Variants in LRRC37A2 observed in about 807,000 individuals in gnomAD.
LRRC37A2 encodes the protein leucine-rich repeat-containing protein 37A2.
Under a neutral mutation model 68.8 loss-of-function variants are expected in LRRC37A2, and 9 were observed. The ratio of observed to expected loss-of-function variants is 0.13; its 90% CI spans 0.08 to 0.23. The LOEUF is 0.23. Ranked by LOEUF, LRRC37A2 falls within the 10% of genes least tolerant of loss-of-function variation. The pLI is 1.00. For synonymous variants in LRRC37A2, 63 were observed against 367.6 expected (o/e 0.17, Z 9.48); for missense variants, 168 against 950.4 (o/e 0.18, Z 10.82).
intron 6 of LRRC37A2, among the ~76,000 whole-genome samples, chr17:46,534,278 G>A (rs983472946): frequency 7.7e-5 from 11 of 142,280 alleles, no homozygotes; most frequent in African/African-American, 3.1e-4. Context: ...GACAATAGTG[G>A]AGGGAAGGTC....
chr17:46,890,962 T>A, the LRRC37A2 span, among the ~76,000 whole-genome samples: 4 of 152,178 alleles, frequency 2.6e-5, no homozygotes, highest in Non-Finnish European at 5.9e-5. Context: ...TAGGTGCACC[T>A]ATCACCACTT....
At chr17:46,756,908 T>C in the LRRC37A2 span, 9 of 152,734 alleles carry the variant, frequency 5.9e-5, no homozygotes, top group Non-Finnish European at 8.8e-5. Flanking sequence ...TTGAGTCCTT[T>C]TGAGGGTGAT....
At chr17:46,753,871 A>G in the LRRC37A2 span, among the ~76,000 whole-genome samples, 1 of 152,212 alleles carries the variant, frequency 6.6e-6, no homozygotes, top group Non-Finnish European at 1.5e-5. Context: ...GGCTGAACCT[A>G]AGTGAAGAGG....
chr17:46,837,978 G>A, the LRRC37A2 span, among the ~76,000 whole-genome samples: 8 of 152,144 alleles, frequency 5.3e-5, no homozygotes, highest in Admixed American at 4.6e-4. Context: ...TTTTCCACGT[G>A]TACATCACCG....
the LRRC37A2 span, among the ~76,000 whole-genome samples, chr17:46,894,351 AG>A: frequency 6.6e-6 from 1 of 152,166 alleles, no homozygotes; most frequent in African/African-American, 2.4e-5. Context: ...TGTAATAACA[AG>A]GGGGGTCAGC....
At chr17:46,958,364 A>T in the LRRC37A2 span, among the ~76,000 whole-genome samples, 17 of 152,382 alleles carry the variant, frequency 1.1e-4, no homozygotes, top group East Asian at 3.3e-3. Flanking sequence ...CACTCCTGAC[A>T]GTTGCAACAG....
the LRRC37A2 span, chr17:47,028,263 G>A: frequency 2.9e-6 from 4 of 1,377,526 alleles, no homozygotes; most frequent in East Asian, 9.1e-5. Flanking sequence ...TTTGGCTTGT[G>A]TCTTTTTTTT....
chr17:46,676,534 C>T, the LRRC37A2 span, among the ~76,000 whole-genome samples: 4 of 146,832 alleles, frequency 2.7e-5, 1 homozygote, highest in East Asian at 8.4e-4. Context: ...GCCCGGCCTC[C>T]CATGGGAATT....
the LRRC37A2 span, chr17:46,876,518 C>T: frequency 5.1e-5 from 82 of 1,613,508 alleles, no homozygotes; most frequent in Non-Finnish European, 6.2e-5. Context: ...CAGCTTCTGC[C>T]GGCCCAGCAA....
the LRRC37A2 span, among the ~76,000 whole-genome samples, chr17:46,805,788 AT>A: frequency 6.6e-6 from 1 of 152,156 alleles, no homozygotes. Context: ...TGATATTCAC[AT>A]CCCCAGGAAG....
chr17:46,778,080 A>G, the LRRC37A2 span, among the ~76,000 whole-genome samples: 39 of 152,334 alleles, frequency 2.6e-4, no homozygotes, highest in African/African-American at 9.4e-4. Context: ...AGTGCATGGC[A>G]CGTGGGGAGC....
At chr17:46,979,055 G>C in the LRRC37A2 span, 1 of 1,335,304 alleles carries the variant, frequency 7.5e-7, no homozygotes, top group African/African-American at 1.5e-5. Flanking sequence ...GGTGCACTGG[G>C]CTGCTCGCCG....
chr17:46,835,026 G>A, the LRRC37A2 span, among the ~76,000 whole-genome samples: 2 of 151,918 alleles, frequency 1.3e-5, no homozygotes, highest in South Asian at 2.1e-4. Context: ...ACAGGATCTC[G>A]CTCTGTTGTC....
chr17:46,789,993 C>T, the LRRC37A2 span, among the ~76,000 whole-genome samples: 4 of 152,152 alleles, frequency 2.6e-5, no homozygotes, highest in African/African-American at 9.7e-5. Flanking sequence ...TGAAGACAGC[C>T]CTGCCCAGCA....
At chr17:46,930,045 T>TTC in the LRRC37A2 span, 3 of 152,940 alleles carry the variant, frequency 2.0e-5, no homozygotes, top group African/African-American at 7.3e-5. Flanking sequence ...TTGTTTTTTT[T>TTC]CATTTTTTTT....
the LRRC37A2 span, among the ~76,000 whole-genome samples, chr17:46,752,782 C>A: frequency 6.6e-6 from 1 of 150,604 alleles, no homozygotes; most frequent in African/African-American, 2.4e-5. Flanking sequence ...CTTTTTTTTT[C>A]TTTTGAGACG....
At chr17:46,887,056 A>G in the LRRC37A2 span, among the ~76,000 whole-genome samples, 12 of 152,180 alleles carry the variant, frequency 7.9e-5, no homozygotes, top group African/African-American at 2.9e-4. Flanking sequence ...GGCTCAAGCA[A>G]TCCACCTGCC....
At chr17:46,823,179 T>TA in the LRRC37A2 span, among the ~76,000 whole-genome samples, 1 of 129,858 alleles carries the variant, frequency 7.7e-6, no homozygotes, top group African/African-American at 3.1e-5. Flanking sequence ...TATATTTATA[T>TA]ATAATATATT....
the LRRC37A2 span, among the ~76,000 whole-genome samples, chr17:46,908,465 C>T: frequency 2.6e-5 from 4 of 152,068 alleles, no homozygotes; most frequent in Non-Finnish European, 5.9e-5. Context: ...CTCCGAGAAC[C>T]GGCATCGGTC....
Sources: allele counts gnomAD v4.1 joint callset (sites outside exome capture counted in the v4.1 genomes callset), GRCh38; gene constraint gnomAD v4.1.1; transcripts MANE v1.5; gene names NCBI Gene and HGNC (gene_info 2026-07-23, HGNC 2026-07-21).